Variants in PARD6G observed in about 807,000 individuals in gnomAD.
The protein encoded by PARD6G is par-6 family cell polarity regulator gamma, also known as partitioning defective 6 homolog gamma.
Under a neutral mutation model 10.7 loss-of-function variants are expected in PARD6G, and 7 were observed. The observed-to-expected ratio is 0.66, with a 90% CI of 0.37 to 1.23. The LOEUF is 1.23. Among genes scored for constraint, PARD6G ranks in the 50% most tolerant of loss-of-function variants. The pLI, the probability that PARD6G is intolerant of heterozygous loss-of-function variation, is 0.02. For missense variants in PARD6G, 548 were observed against 571.8 expected (o/e 0.96, Z 0.42); for synonymous variants, 287 against 269.4 (o/e 1.07, Z -0.64).
At chr18:80,190,327 G>A (rs985490019) in intron 2 of PARD6G, among the ~76,000 whole-genome samples, 2 of 152,170 alleles carry the variant, frequency 1.3e-5, no homozygotes, top group African/African-American at 4.8e-5. Flanking sequence ...GGGTGCTGAG[G>A]GCAAAGCCTC....
Position 80,159,491 on chromosome 18 carries a change from T to A in PARD6G, c.*280A>T. ...ATTTGTAAAAATTTTAAAAAGCATTTTTTTGCACTTGGTCAGATCTTTTCT... is the reference window on the plus strand; with the variant it reads ...ATTTGTAAAAATTTTAAAAAGCATTATTTTGCACTTGGTCAGATCTTTTCT... On this transcript the variant is annotated 3_prime_UTR_variant, in exon 3 of 3. Transcript: ENST00000353265. 2.8e-6 allele frequency: 1 copy of A among 362,550 alleles called. No homozygotes were observed. The highest frequency in any genetic ancestry group is 4.8e-6 in the Non-Finnish European group (1 of 209,224). The allele number at this position is 362,550 out of a possible 1,614,324, so 22.5% of individuals were successfully genotyped here.
intron 2 of PARD6G, among the ~76,000 whole-genome samples, chr18:80,193,245 G>A (rs966651459): frequency 6.6e-6 from 1 of 152,184 alleles, no homozygotes; most frequent in Non-Finnish European, 1.5e-5. Flanking sequence ...GAAGCAGCCA[G>A]GGGAGGAGGG....
At chr18:80,187,884 G>A (rs2052888751) in intron 2 of PARD6G, 1 of 152,202 alleles carries the variant, frequency 6.6e-6, no homozygotes, top group African/African-American at 2.4e-5. Flanking sequence ...TTGCTCTGGG[G>A]CTACACACCC....
Position 80,189,822 on chromosome 18 carries a change from A to G in PARD6G, c.295+12888T>C, listed in dbSNP as rs1372830238. On this transcript the variant is annotated intron_variant, in intron 2 of 2. Transcript: ENST00000353265. The surrounding 1 kb of genome is among the most constrained non-coding windows in gnomAD (Gnocchi z 5.5). ...TTTTTAAACACCTAGATAGAGGCTCAAAGGCAAATGAAATACTGCTGTCAG... is the reference window on the plus strand; with the variant it reads ...TTTTTAAACACCTAGATAGAGGCTCGAAGGCAAATGAAATACTGCTGTCAG... Among the ~76,000 whole-genome samples the G allele has an allele frequency of 6.6e-6, 1 of 152,242 alleles. No homozygotes were observed. Among genetic ancestry groups the G allele is most frequent in the Non-Finnish European group, 1.5e-5 (1 of 68,048 alleles).
chr18:80,230,957 C>A (rs1206920150), intron 1 of PARD6G, among the ~76,000 whole-genome samples: 1 of 152,142 alleles, frequency 6.6e-6, no homozygotes, highest in East Asian at 1.9e-4. Context: ...AGTCACAAGG[C>A]TAGTAAATGA....
intron 1 of PARD6G, among the ~76,000 whole-genome samples, chr18:80,240,170 C>T (rs1967474636): frequency 6.6e-6 from 1 of 152,216 alleles, no homozygotes; most frequent in Admixed American, 6.5e-5. Context: ...ACATCGGGGA[C>T]CAAATTTCAA....
At chr18:80,194,240 C>T (rs930311695) in intron 2 of PARD6G, among the ~76,000 whole-genome samples, 2 of 152,192 alleles carry the variant, frequency 1.3e-5, no homozygotes, top group Non-Finnish European at 2.9e-5. Context: ...ATCCTCGGTG[C>T]TGAGCACAAG....
At chr18:80,236,054 A>G (rs1178286803) in intron 1 of PARD6G, among the ~76,000 whole-genome samples, 1 of 152,242 alleles carries the variant, frequency 6.6e-6, no homozygotes, top group Non-Finnish European at 1.5e-5. Flanking sequence ...ACAAAAAAAG[A>G]GAATTTTAGA....
At chr18:80,210,509 C>T (rs9956207) in intron 1 of PARD6G, among the ~76,000 whole-genome samples, 31,466 of 152,102 alleles carry the variant, frequency 0.21, 4,326 homozygotes, top group African/African-American at 0.39. Flanking sequence ...GGACTGTCAT[C>T]GTCAGACCTG....
chr18:80,164,250 C>A (rs2052720285), intron 2 of PARD6G, among the ~76,000 whole-genome samples: 1 of 152,146 alleles, frequency 6.6e-6, no homozygotes. Context: ...GTATTTTGTC[C>A]ATGGGCCCCA....
chr18:80,172,666 T>A (rs1360177784), intron 2 of PARD6G, among the ~76,000 whole-genome samples: 1 of 152,214 alleles, frequency 6.6e-6, no homozygotes, highest in African/African-American at 2.4e-5. Context: ...ATTACAGACA[T>A]GCACCACCAT....
chr18:80,186,661 TATAATCAC>T (rs1231879478), intron 2 of PARD6G, among the ~76,000 whole-genome samples: 1 of 106,802 alleles, frequency 9.4e-6, no homozygotes, highest in South Asian at 5.4e-4. Flanking sequence ...GAGGGCTACA[TATAATCAC>T]ACGTGATACG....
intron 1 of PARD6G, among the ~76,000 whole-genome samples, chr18:80,203,846 G>GA (rs765799455): frequency 6.6e-5 from 10 of 152,190 alleles, no homozygotes; most frequent in Non-Finnish European, 1.3e-4. Flanking sequence ...AAGTAGACAT[G>GA]AAATTGCAAG....
chr18:80,229,537 T>C (rs1967334802), intron 1 of PARD6G, among the ~76,000 whole-genome samples: 1 of 152,092 alleles, frequency 6.6e-6, no homozygotes, highest in African/African-American at 2.4e-5. Flanking sequence ...AAGCATTCCC[T>C]GGAGCCAGCT....
chr18:80,201,046 G>A lies in PARD6G; in HGVS notation c.295+1664C>T, dbSNP rs1967002904. 6.6e-6 allele frequency among the ~76,000 whole-genome samples: 1 copy of A among 152,182 alleles called. No individual in the cohort carries two copies. Among genetic ancestry groups the A allele is most frequent in the Non-Finnish European group, 1.5e-5 (1 of 68,042 alleles). ...ACCCCACACCATGTGAGCAAATGCT[G>A]TGACCTGGGATGGCAGGGGCACAGC... On this transcript the variant is annotated intron_variant, in intron 2 of 2. Transcript: ENST00000353265. The surrounding 1 kb of genome is among the most constrained non-coding windows in gnomAD (Gnocchi z 5.9).
chr18:80,210,379 A>G (rs901097270), intron 1 of PARD6G, among the ~76,000 whole-genome samples: 5 of 152,254 alleles, frequency 3.3e-5, no homozygotes, highest in African/African-American at 1.2e-4. Context: ...GAATCTCAGT[A>G]AGAGCAGCAA....
At chr18:80,209,116 C>G (rs371657217) in intron 1 of PARD6G, among the ~76,000 whole-genome samples, 1 of 150,426 alleles carries the variant, frequency 6.6e-6, no homozygotes, top group Non-Finnish European at 1.5e-5. Flanking sequence ...AGAAAACAAA[C>G]AAACAAACAA....
At chr18:80,221,619 A>C (rs1344232498) in intron 1 of PARD6G, among the ~76,000 whole-genome samples, 7 of 152,002 alleles carry the variant, frequency 4.6e-5, no homozygotes, top group African/African-American at 1.7e-4. Flanking sequence ...TTAAAAGACA[A>C]TGATTTTCCC....
rs1300705633 is a variant in PARD6G, at chr18:80,180,932, C to T, written c.296-20326G>A. ...CGGGGCACCGATAGCTCTCCACATG[C>T]AGATGCCCCACAGCAAAGAAATGTC... On this transcript the variant is annotated intron_variant, in intron 2 of 2. Coordinates refer to ENST00000353265, the MANE Select transcript of PARD6G (RefSeq NM_032510.4). This position sits in a 1 kb window ranked among gnomAD's most constrained non-coding sequence, Gnocchi z 5.6. Among the ~76,000 whole-genome samples, 1 of 152,222 alleles carries T rather than the reference C, an allele frequency of 6.6e-6. No individual in the cohort carries two copies. Among genetic ancestry groups the T allele is most frequent in the African/African-American group, 2.4e-5 (1 of 41,458 alleles).
Sources: gnomAD v4.1 joint callset for allele counts (sites outside exome capture counted in the v4.1 genomes callset) on GRCh38, gnomAD v4.1.1 for gene constraint, Gnocchi (gnomAD v3.1) non-coding constraint, MANE v1.5 for transcripts, NCBI Gene and HGNC (gene_info 2026-07-23, HGNC 2026-07-21) for gene names.